Variants in ST3GAL3 observed in about 807,000 individuals in gnomAD.
ST3GAL3 encodes the protein ST3 beta-galactoside alpha-2,3-sialyltransferase 3.
Under a neutral mutation model 50.1 loss-of-function variants are expected in ST3GAL3, and 21 were observed. The observed-to-expected ratio is 0.42, with a 90% CI of 0.30 to 0.60. The LOEUF is 0.60. Among genes scored for constraint, ST3GAL3 ranks in the 20% least tolerant of loss-of-function variants. ST3GAL3 has a pLI of 0.19. For missense variants in ST3GAL3, 353 were observed against 489.4 expected, an observed-to-expected ratio of 0.72 and a Z score of 2.63; for synonymous variants, 183 against 190.0, an observed-to-expected ratio of 0.96 and a Z score of 0.30.
chr1:43,779,744 A>G (rs999890051), intron 2 of ST3GAL3, among the ~76,000 whole-genome samples: 1 of 152,232 alleles, frequency 6.6e-6, no homozygotes, highest in Admixed American at 6.5e-5. Flanking sequence ...AACACTATTC[A>G]TAGATACCAT....
At chr1:43,807,417 A>AAAATAAATAAAG (rs2060024445) in intron 3 of ST3GAL3, among the ~76,000 whole-genome samples, 1 of 142,614 alleles carries the variant, frequency 7.0e-6, no homozygotes, top group African/African-American at 2.6e-5. Context: ...CTCTGTCTCA[A>AAAATAAATAAAG]AAATAAATAA....
chr1:43,928,951 G>A (rs987439100), intron 11 of ST3GAL3, among the ~76,000 whole-genome samples: 2 of 152,126 alleles, frequency 1.3e-5, no homozygotes, highest in African/African-American at 4.8e-5. Flanking sequence ...TTATGGTGAA[G>A]CTCAATGCTG....
intron 4 of ST3GAL3, among the ~76,000 whole-genome samples, chr1:43,834,783 C>T (rs187689285): frequency 5.0e-4 from 76 of 152,314 alleles, no homozygotes; most frequent in African/African-American, 1.6e-3. Flanking sequence ...CAAATGTGCT[C>T]CCTCACCACA....
chr1:43,710,414 C>T (rs1664093242), intron 1 of ST3GAL3, among the ~76,000 whole-genome samples: 1 of 152,208 alleles, frequency 6.6e-6, no homozygotes, highest in East Asian at 1.9e-4. Flanking sequence ...CTACTGTCAT[C>T]ACACTGATCT....
intron 2 of ST3GAL3, among the ~76,000 whole-genome samples, chr1:43,765,749 G>A (rs1197099597): frequency 1.7e-5 from 1 of 58,640 alleles, no homozygotes; most frequent in Non-Finnish European, 4.7e-5. Flanking sequence ...GTGTCTGTGT[G>A]TGTCTGTGTG....
chr1:43,728,195 C>T (rs1392443510), intron 1 of ST3GAL3, among the ~76,000 whole-genome samples: 5 of 152,124 alleles, frequency 3.3e-5, no homozygotes, highest in Admixed American at 3.3e-4. Flanking sequence ...GCTGCAAAGA[C>T]CTGAATTCAT....
At chr1:43,892,983 T>C (rs1018074910) in intron 5 of ST3GAL3, among the ~76,000 whole-genome samples, 3 of 152,186 alleles carry the variant, frequency 2.0e-5, no homozygotes, top group Admixed American at 2.0e-4. Context: ...CATGGGGTGG[T>C]AGTGGGAGTG....
In ST3GAL3 at chr1:43,759,065, G is replaced by GCGCACACACACACACA. The variant is rs60386464; in HGVS notation, c.118+22686_118+22687insGCACACACACACACAC. 2.8e-3 allele frequency among the ~76,000 whole-genome samples: 210 copies of GCGCACACACACACACA among 75,434 alleles called. 1 individual carries two copies. Among genetic ancestry groups the GCGCACACACACACACA allele is most frequent in the African/African-American group, 7.8e-3 (196 of 25,228 alleles). The allele number at this position is 75,434 out of a possible 152,430, so 49.5% of individuals were successfully genotyped here. ...TCCTAAAAAACAAACAAAAGCGCGCGCACACACACACACACACACACACAC... is the reference window on the plus strand; with the variant it reads ...TCCTAAAAAACAAACAAAAGCGCGCGCGCACACACACACACACACACACACACACACACACACACAC... On this transcript the variant is annotated intron_variant, in intron 2 of 11. Transcript: ENST00000347631.
At chr1:43,857,578 TCCTCCCTC>T (rs759847727) in intron 5 of ST3GAL3, among the ~76,000 whole-genome samples, 2,124 of 91,166 alleles carry the variant, frequency 0.023, 384 homozygotes, top group Non-Finnish European at 0.029. Flanking sequence ...TTTCTTTCCT[TCCTCCCTC>T]CCTTCCTTCC....
At chr1:43,761,719 G>C (rs1690420838) in intron 2 of ST3GAL3, among the ~76,000 whole-genome samples, 1 of 151,842 alleles carries the variant, frequency 6.6e-6, no homozygotes, top group Non-Finnish European at 1.5e-5. Flanking sequence ...GGGAGGCCAA[G>C]GTGGGCGGAT....
At chr1:43,757,106 T>C (rs1688424463) in intron 2 of ST3GAL3, among the ~76,000 whole-genome samples, 1 of 152,226 alleles carries the variant, frequency 6.6e-6, no homozygotes, top group Admixed American at 6.5e-5. Context: ...GGTTTCACCA[T>C]GTTGGCCAGG....
At chr1:43,921,877 T>A (rs1009734464) in intron 11 of ST3GAL3, 5 of 397,838 alleles carry the variant, frequency 1.3e-5, no homozygotes, top group Non-Finnish European at 2.2e-5. Flanking sequence ...CCAGCTCCCA[T>A]CAAGGTCACC....
At chr1:43,762,724 AGC>A (rs1691004637) in intron 2 of ST3GAL3, among the ~76,000 whole-genome samples, 1 of 152,248 alleles carries the variant, frequency 6.6e-6, no homozygotes, top group Admixed American at 6.5e-5. Context: ...AATAACTGGA[AGC>A]ATAAAACCCA....
At chr1:43,741,261 C>T (rs1680820163) in intron 2 of ST3GAL3, among the ~76,000 whole-genome samples, 1 of 152,080 alleles carries the variant, frequency 6.6e-6, no homozygotes, top group South Asian at 2.1e-4. Context: ...CCCAGGAAGT[C>T]AATCAAGGCT....
rs986763016 is a variant in ST3GAL3, at chr1:43,777,119, G to C, written c.119-14983G>C. ...GATTCATATCTTTTTTATTATTTGG[G>C]TTTTTAAAGCAAATCCCAGACATCA... On this transcript the variant is annotated intron_variant, in intron 2 of 11. Coordinates refer to ENST00000347631, the MANE Select transcript of ST3GAL3 (RefSeq NM_006279.5). 2.6e-5 allele frequency among the ~76,000 whole-genome samples: 4 copies of C among 152,112 alleles called. 1 individual carries two copies. The highest frequency in any genetic ancestry group is 4.2e-4 in the South Asian group (2 of 4,818).
chr1:43,735,258 G>C (rs972256538), intron 1 of ST3GAL3, among the ~76,000 whole-genome samples: 1 of 152,190 alleles, frequency 6.6e-6, no homozygotes, highest in African/African-American at 2.4e-5. Flanking sequence ...TACTCGACAT[G>C]GCACAAGGGA....
chr1:43,873,689 G>T (rs1026634045), intron 5 of ST3GAL3, among the ~76,000 whole-genome samples: 2 of 152,126 alleles, frequency 1.3e-5, no homozygotes, highest in African/African-American at 4.8e-5. Flanking sequence ...GGAGGCTGAG[G>T]CAGAAGAATC....
Position 43,866,748 on chromosome 1 carries a change from G to A in ST3GAL3, c.303-27635G>A, listed in dbSNP as rs528016944. 2.6e-5 allele frequency among the ~76,000 whole-genome samples: 4 copies of A among 152,238 alleles called. No individual in the cohort carries two copies. In the East Asian group the frequency reaches 7.7e-4, roughly 29 times the overall value. Reference sequence around the variant, plus strand: ...TGGCACATAGTGTTACATCCTAGATGCTGGAAGACAGGCTAGAAGTAATCT... The same window carrying A: ...TGGCACATAGTGTTACATCCTAGATACTGGAAGACAGGCTAGAAGTAATCT... On this transcript the variant is annotated intron_variant, in intron 5 of 11. Coordinates refer to ENST00000347631, the MANE Select transcript of ST3GAL3 (RefSeq NM_006279.5).
chr1:43,893,159 C>T (rs2076895769), intron 5 of ST3GAL3, among the ~76,000 whole-genome samples: 1 of 152,196 alleles, frequency 6.6e-6, no homozygotes, highest in South Asian at 2.1e-4. Flanking sequence ...TACTATTCCT[C>T]CTGGGACTGC....
Sources: allele counts gnomAD v4.1 joint callset (sites outside exome capture counted in the v4.1 genomes callset), GRCh38; gene constraint gnomAD v4.1.1; transcripts MANE v1.5; gene names NCBI Gene and HGNC (gene_info 2026-07-23, HGNC 2026-07-21).